The following CDK6 variants were observed in gnomAD, a reference collection of about 807,000 sequenced individuals.
The protein encoded by CDK6 is cyclin-dependent kinase 6.
CDK6 carries 6 observed loss-of-function variants against 37.1 expected under a neutral mutation model. That is an observed-to-expected ratio of 0.16 (90% CI 0.09 to 0.32). CDK6 has a LOEUF of 0.32. CDK6 is among the 10% of genes least tolerant of loss of function. CDK6 has a pLI of 1.00. For synonymous variants in CDK6, 160 were observed against 161.3 expected, an observed-to-expected ratio of 0.99 and a Z score of 0.06; for missense variants, 224 against 418.9, an observed-to-expected ratio of 0.53 and a Z score of 4.06.
chr7:92,688,960 A>G (rs1797535154), intron 4 of CDK6, among the ~76,000 whole-genome samples: 1 of 152,144 alleles, frequency 6.6e-6, no homozygotes, highest in Non-Finnish European at 1.5e-5. Flanking sequence ...TGGCGGAGGG[A>G]GGCTGAAGGA....
chr7:92,713,298 T>C (rs1798145075), intron 4 of CDK6, among the ~76,000 whole-genome samples: 1 of 152,254 alleles, frequency 6.6e-6, no homozygotes, highest in Non-Finnish European at 1.5e-5. Flanking sequence ...TGTAAAGTCT[T>C]TTAAAATGCA....
At chr7:92,702,339 T>C (rs1248102984) in intron 4 of CDK6, among the ~76,000 whole-genome samples, 1 of 149,666 alleles carries the variant, frequency 6.7e-6, no homozygotes, top group Non-Finnish European at 1.5e-5. Context: ...TTCAAGTGAT[T>C]GTCCTGTCTT....
chr7:92,677,502 C>T (rs1200040018), intron 4 of CDK6, among the ~76,000 whole-genome samples: 2 of 152,038 alleles, frequency 1.3e-5, no homozygotes, highest in Non-Finnish European at 2.9e-5. Flanking sequence ...GCCTGTAATC[C>T]CTGCTAATAG....
chr7:92,788,394 A>C (rs1002984830), intron 2 of CDK6, among the ~76,000 whole-genome samples: 2 of 152,208 alleles, frequency 1.3e-5, no homozygotes, highest in Non-Finnish European at 2.9e-5. Flanking sequence ...TGGTTGTCCC[A>C]TGTAAGTGAA....
intron 6 of CDK6, among the ~76,000 whole-genome samples, chr7:92,619,139 A>C (rs1413899607): frequency 1.3e-5 from 2 of 152,204 alleles, no homozygotes; most frequent in African/African-American, 4.8e-5. Flanking sequence ...ACACACAGTC[A>C]ATTATCAATC....
intron 6 of CDK6, among the ~76,000 whole-genome samples, chr7:92,620,368 CATTTTATA>C (rs1795781778): frequency 6.6e-6 from 1 of 152,100 alleles, no homozygotes; most frequent in Admixed American, 6.6e-5. Flanking sequence ...TTATTAGTCT[CATTTTATA>C]GATGGGGAAA....
rs548769308 is a variant in CDK6 at position 92,724,141 on chromosome 7, G to A, written c.537+1485C>T. On this transcript the variant is annotated intron_variant, in intron 4 of 7. Coordinates refer to ENST00000424848, the MANE Select transcript of CDK6 (RefSeq NM_001145306.2). ...TCCCCAGGGCCCCAAAACAACATGCGCAACAACTTCCTAGGGAAACTCAAA... is the reference window on the plus strand; with the variant it reads ...TCCCCAGGGCCCCAAAACAACATGCACAACAACTTCCTAGGGAAACTCAAA... Among the ~76,000 whole-genome samples, 60 of 152,114 alleles carry A rather than the reference G, an allele frequency of 3.9e-4. No individual in the cohort carries two copies. In the South Asian group the frequency reaches 4.4e-3, roughly 11 times the overall value.
intron 4 of CDK6, among the ~76,000 whole-genome samples, chr7:92,723,410 A>G (rs1362681884): frequency 6.6e-6 from 1 of 152,168 alleles, no homozygotes; most frequent in Non-Finnish European, 1.5e-5. Context: ...GACATAACCC[A>G]CTAAAAAATG....
intron 4 of CDK6, among the ~76,000 whole-genome samples, chr7:92,694,547 C>T (rs1412012623): frequency 6.6e-6 from 1 of 152,110 alleles, no homozygotes; most frequent in Admixed American, 6.6e-5. Flanking sequence ...CCAGAAGAGC[C>T]TGTGAAGAAC....
At chr7:92,709,056 T>TGC (rs1200717512) in intron 4 of CDK6, among the ~76,000 whole-genome samples, 7 of 152,120 alleles carry the variant, frequency 4.6e-5, no homozygotes, top group African/African-American at 1.2e-4. Context: ...CATGAACATG[T>TGC]TTTCCCCGGA....
chr7:92,766,885 A>T (rs1799593953), intron 3 of CDK6, among the ~76,000 whole-genome samples: 1 of 152,160 alleles, frequency 6.6e-6, no homozygotes, highest in Non-Finnish European at 1.5e-5. Context: ...TTAGTGAGTC[A>T]TTATTTATTT....
intron 2 of CDK6, among the ~76,000 whole-genome samples, chr7:92,791,858 A>T (rs1026807498): frequency 6.6e-6 from 1 of 152,152 alleles, no homozygotes; most frequent in Non-Finnish European, 1.5e-5. Flanking sequence ...ATAGTCTGGC[A>T]TGATTTGGTG....
At chr7:92,783,320 C>G (rs925646063) in intron 2 of CDK6, among the ~76,000 whole-genome samples, 17 of 152,156 alleles carry the variant, frequency 1.1e-4, no homozygotes, top group African/African-American at 3.1e-4. Context: ...TCTCCTGAAG[C>G]CTTCAATTAA....
chr7:92,814,556 A>C (rs1018364440), intron 2 of CDK6, among the ~76,000 whole-genome samples: 3 of 92,154 alleles, frequency 3.3e-5, no homozygotes, highest in Non-Finnish European at 5.8e-5. Flanking sequence ...ACTGAATTGC[A>C]AAAAAAAAAA....
intron 5 of CDK6, among the ~76,000 whole-genome samples, chr7:92,644,891 C>A (rs1255427927): frequency 6.6e-6 from 1 of 152,176 alleles, no homozygotes; most frequent in Non-Finnish European, 1.5e-5. Flanking sequence ...GATTGTGAGG[C>A]CACAGGGTCA....
chr7:92,707,717 CTCTT>C (rs1341202039), intron 4 of CDK6, among the ~76,000 whole-genome samples: 1 of 152,236 alleles, frequency 6.6e-6, no homozygotes, highest in African/African-American at 2.4e-5. Flanking sequence ...CACTCACAGT[CTCTT>C]TCTCTCTCAC....
intron 2 of CDK6, among the ~76,000 whole-genome samples, chr7:92,803,972 C>T (rs984071174): frequency 1.3e-5 from 2 of 152,172 alleles, no homozygotes; most frequent in African/African-American, 4.8e-5. Context: ...CTCAATATTA[C>T]CTACCTTAAT....
intron 5 of CDK6, among the ~76,000 whole-genome samples, chr7:92,641,319 C>A (rs1265728078): frequency 6.6e-6 from 1 of 152,146 alleles, no homozygotes; most frequent in Non-Finnish European, 1.5e-5. Context: ...TACTGTAAGA[C>A]AAAGCTCTCT....
intron 2 of CDK6, among the ~76,000 whole-genome samples, chr7:92,798,135 G>T (rs2115885900): frequency 6.6e-6 from 1 of 152,242 alleles, no homozygotes; most frequent in Admixed American, 6.5e-5. Context: ...GCCATACAAA[G>T]CCCAAATTTG....
Sources: gnomAD v4.1 joint callset for allele counts (sites outside exome capture counted in the v4.1 genomes callset) on GRCh38, gnomAD v4.1.1 for gene constraint, MANE v1.5 for transcripts, NCBI Gene and HGNC (gene_info 2026-07-23, HGNC 2026-07-21) for gene names.